GRAMD1B: variants seen among roughly 807,000 people sequenced by gnomAD.
GRAMD1B encodes GRAM domain containing 1B.
Under a neutral mutation model 99.7 loss-of-function variants are expected in GRAMD1B, and 37 were observed. The observed-to-expected ratio is 0.37, with a 90% CI of 0.29 to 0.49. The LOEUF (loss-of-function observed/expected upper bound fraction) is 0.49. Ranked by LOEUF, GRAMD1B falls within the 20% of genes least tolerant of loss-of-function variation. The pLI, the probability that GRAMD1B is intolerant of heterozygous loss-of-function variation, is 0.98. For synonymous variants in GRAMD1B, 427 were observed against 387.6 expected (o/e 1.10, Z -1.19); for missense variants, 888 against 1,009.2 (o/e 0.88, Z 1.63).
intron 1 of GRAMD1B, among the ~76,000 whole-genome samples, chr11:123,394,441 T>A (rs2135875405): frequency 6.6e-6 from 1 of 152,338 alleles, no homozygotes; most frequent in Admixed American, 6.5e-5. Context: ...TGGACTCCAA[T>A]CTTCTCTTCA....
At chr11:123,569,502 T>A (rs933139720) in intron 2 of GRAMD1B, among the ~76,000 whole-genome samples, 1 of 152,184 alleles carries the variant, frequency 6.6e-6, no homozygotes, top group Non-Finnish European at 1.5e-5. Context: ...AGAATAACCA[T>A]CTTCATGGAG....
At chr11:123,376,226 C>T (rs1191412457) in intron 1 of GRAMD1B, among the ~76,000 whole-genome samples, 1 of 151,968 alleles carries the variant, frequency 6.6e-6, no homozygotes, top group Non-Finnish European at 1.5e-5. Context: ...CATAGTACTA[C>T]CTTCTTAATA....
At chr11:123,560,631 G>A (rs1259485604) in intron 2 of GRAMD1B, 4 of 481,902 alleles carry the variant, frequency 8.3e-6, no homozygotes, top group Admixed American at 7.1e-5. Flanking sequence ...CTCTGCTACT[G>A]TTCCTACCTA....
chr11:123,499,234 C>T (rs1939606946), intron 2 of GRAMD1B, among the ~76,000 whole-genome samples: 1 of 152,188 alleles, frequency 6.6e-6, no homozygotes, highest in African/African-American at 2.4e-5. Context: ...GGGAGAGAGA[C>T]ATGGCCTTGC....
intron 11 of GRAMD1B, chr11:123,608,357 G>T: frequency 1.4e-6 from 1 of 730,258 alleles, no homozygotes; most frequent in Non-Finnish European, 2.2e-6. Context: ...TTTAGTCTAA[G>T]ATCAACTGAA....
rs141347127 is a variant in GRAMD1B at position 123,480,816 on chromosome 11, C to T, written c.375C>T (p.Ser125=). 4.0e-3 allele frequency: 1,580 copies of T among 398,930 alleles called. 4 individuals are homozygous for T. The highest frequency in any genetic ancestry group is 5.7e-3 in the Non-Finnish European group (1,291 of 226,164). The allele number at this position is 398,930 out of a possible 1,614,324, so 24.7% of individuals were successfully genotyped here. ...GTTGATATCCTATGTCTTTCCTCAGCAGCCAACAGAGCAGTCAGCAGAGCA... is the reference window on the plus strand; with the variant it reads ...GTTGATATCCTATGTCTTTCCTCAGTAGCCAACAGAGCAGTCAGCAGAGCA... The part of the protein sequence containing the change: ...VRERKECSES[S]SQQSSQQSSH... Residue 125 remains serine, a splice_region_variant and synonymous_variant, in exon 2 of 20, where the codon AGC becomes AGT. Coordinates refer to ENST00000635736, the MANE Select transcript of GRAMD1B (RefSeq NM_001387025.1).
intron 4 of GRAMD1B, among the ~76,000 whole-genome samples, chr11:123,589,509 T>C (rs1455792887): frequency 6.6e-6 from 1 of 151,710 alleles, no homozygotes; most frequent in Admixed American, 6.6e-5. Context: ...AGTGGTGCGA[T>C]CTCCGCTCAC....
At chr11:123,458,777 G>A (rs895805566) in intron 1 of GRAMD1B, 1 of 151,442 alleles carries the variant, frequency 6.6e-6, no homozygotes, top group African/African-American at 2.4e-5. Flanking sequence ...CATTCTGAGT[G>A]ATAAGAACAA....
intron 2 of GRAMD1B, chr11:123,525,956 G>C: frequency 1.7e-6 from 1 of 596,726 alleles, no homozygotes; most frequent in Non-Finnish European, 3.0e-6. Context: ...CTGGGAGAGG[G>C]GGAAGAAGGG....
Position 123,411,097 on chromosome 11 carries a change from C to T in GRAMD1B, c.-176+52298C>T, listed in dbSNP as rs185609733. ...TCGGCTCACTGCAAGCTCCACCTCC[C>T]GGGTTCATGCCATTCTCCTGCCTCA... On this transcript the variant is annotated intron_variant, in intron 1 of 20. Coordinates refer to the GRAMD1B transcript ENST00000638157. 8.1e-3 allele frequency among the ~76,000 whole-genome samples: 1,233 copies of T among 152,070 alleles called. 18 individuals are homozygous for T. The highest frequency in any genetic ancestry group is 0.028 in the African/African-American group (1,182 of 41,474).
At chr11:123,381,254 C>G (rs185947044) in intron 1 of GRAMD1B, among the ~76,000 whole-genome samples, 25 of 152,284 alleles carry the variant, frequency 1.6e-4, no homozygotes, top group African/African-American at 4.8e-4. Context: ...CCCTGAGAGT[C>G]CGGGCTCTAG....
At chr11:123,583,886 G>C (rs1489414949) in intron 3 of GRAMD1B, among the ~76,000 whole-genome samples, 2 of 152,182 alleles carry the variant, frequency 1.3e-5, no homozygotes. Flanking sequence ...TACCTCGAAA[G>C]TGTCCCACCC....
intron 2 of GRAMD1B, among the ~76,000 whole-genome samples, chr11:123,503,091 T>C (rs1565305728): frequency 6.6e-6 from 1 of 152,188 alleles, no homozygotes; most frequent in Non-Finnish European, 1.5e-5. Flanking sequence ...AAGTCAGGGA[T>C]TGTTTGTACT....
chr11:123,480,423 T>C (rs1951529210), intron 1 of GRAMD1B, among the ~76,000 whole-genome samples: 1 of 151,988 alleles, frequency 6.6e-6, no homozygotes, highest in African/African-American at 2.4e-5. Context: ...ACCCAGTCCA[T>C]GTCAGTGGCT....
intron 1 of GRAMD1B, among the ~76,000 whole-genome samples, chr11:123,419,456 C>G (rs1239336896): frequency 1.3e-5 from 2 of 152,170 alleles, no homozygotes; most frequent in Non-Finnish European, 2.9e-5. Flanking sequence ...ATAGCCAGAC[C>G]CTGTGTCTAC....
chr11:123,362,902 C>T (rs984837290), intron 1 of GRAMD1B, among the ~76,000 whole-genome samples: 6 of 151,858 alleles, frequency 4.0e-5, no homozygotes, highest in Admixed American at 2.6e-4. Context: ...GGAGGAGAAC[C>T]AGTCCCTGGG....
intron 1 of GRAMD1B, among the ~76,000 whole-genome samples, chr11:123,462,880 A>C (rs143299627): frequency 0.16 from 18,809 of 120,288 alleles, 1,926 homozygotes; most frequent in East Asian, 0.42. Flanking sequence ...ATTATCAATA[A>C]AAAAATAAAT....
chr11:123,598,095 T>A, intron 7 of GRAMD1B: 1 of 1,582,958 alleles, frequency 6.3e-7, no homozygotes. Flanking sequence ...GCATCTTTAA[T>A]CTGTGTCACA....
intron 2 of GRAMD1B, among the ~76,000 whole-genome samples, chr11:123,521,676 C>T (rs1421800796): frequency 1.3e-5 from 2 of 152,182 alleles, no homozygotes; most frequent in Non-Finnish European, 2.9e-5. Flanking sequence ...CTTTGTTCAA[C>T]ATCAAGGTTT....
Sources: gnomAD v4.1 joint callset for allele counts (sites outside exome capture counted in the v4.1 genomes callset) on GRCh38, gnomAD v4.1.1 for gene constraint, MANE v1.5 for transcripts, NCBI Gene and HGNC (gene_info 2026-07-23, HGNC 2026-07-21) for gene names.